KIAA0825: variants seen among roughly 807,000 people sequenced by gnomAD.
KIAA0825 encodes the protein uncharacterized protein KIAA0825.
A neutral mutation model predicts 147.6 loss-of-function variants in KIAA0825; 119 were observed. The observed-to-expected ratio is 0.81, with a 90% CI of 0.69 to 0.94. The LOEUF is 0.94. Among genes scored for constraint, KIAA0825 ranks in the 40% least tolerant of loss-of-function variants. The pLI is 0.00. For missense variants in KIAA0825, 1,381 were observed against 1,472.7 expected (o/e 0.94, Z 1.02); for synonymous variants, 470 against 518.1 (o/e 0.91, Z 1.26).
At chr5:94,281,739 CT>C in intron 20 of KIAA0825, among the ~76,000 whole-genome samples, 1 of 152,202 alleles carries the variant, frequency 6.6e-6, no homozygotes, top group East Asian at 1.9e-4. Context: ...CAAGTGTCCC[CT>C]GAGAGTGCAA....
chr5:94,456,158 A>G (rs1759078141), intron 12 of KIAA0825, among the ~76,000 whole-genome samples: 1 of 152,174 alleles, frequency 6.6e-6, no homozygotes, highest in African/African-American at 2.4e-5. Context: ...GAATGCGGAC[A>G]TACATATCTT....
chr5:94,382,935 C>T (rs1748611276), intron 20 of KIAA0825, among the ~76,000 whole-genome samples: 1 of 152,226 alleles, frequency 6.6e-6, no homozygotes, highest in Non-Finnish European at 1.5e-5. Flanking sequence ...CACAGTTAAT[C>T]TGTATAAACT....
At chr5:94,575,281 C>T (rs980392467) in intron 2 of KIAA0825, among the ~76,000 whole-genome samples, 1 of 148,414 alleles carries the variant, frequency 6.7e-6, no homozygotes, top group African/African-American at 2.5e-5. Flanking sequence ...GGCGAGACAA[C>T]AGAGAGAGGA....
intron 5 of KIAA0825, among the ~76,000 whole-genome samples, chr5:94,498,892 A>G (rs1040218684): frequency 1.3e-5 from 2 of 152,128 alleles, no homozygotes; most frequent in Non-Finnish European, 2.9e-5. Flanking sequence ...CCTTCTTTAC[A>G]CTAAAATCTC....
chr5:94,418,924 C>G (rs1351325460), intron 14 of KIAA0825, among the ~76,000 whole-genome samples: 1 of 152,106 alleles, frequency 6.6e-6, no homozygotes, highest in Non-Finnish European at 1.5e-5. Context: ...GTCTCCCAGG[C>G]TGGAATTCAG....
chr5:94,324,259 T>C (rs928872003), intron 20 of KIAA0825, among the ~76,000 whole-genome samples: 1 of 152,066 alleles, frequency 6.6e-6, no homozygotes, highest in African/African-American at 2.4e-5. Context: ...TTCATTACAA[T>C]GTATGCGAAC....
intron 9 of KIAA0825, among the ~76,000 whole-genome samples, chr5:94,471,067 A>G (rs1414166208): frequency 6.6e-6 from 1 of 152,212 alleles, no homozygotes; most frequent in Non-Finnish European, 1.5e-5. Flanking sequence ...AGAAGAGATT[A>G]CAATGCATTT....
At chr5:94,403,527 T>A (rs894079145) in intron 16 of KIAA0825, 42 bp downstream of exon 16, 9 of 1,456,316 alleles carry the variant, frequency 6.2e-6, no homozygotes, top group Non-Finnish European at 8.5e-6. Context: ...AGAAAATTGC[T>A]TCTTCAGGTG....
intron 20 of KIAA0825, among the ~76,000 whole-genome samples, chr5:94,240,387 T>A (rs1475573867): frequency 2.6e-5 from 4 of 152,210 alleles, no homozygotes; most frequent in Non-Finnish European, 4.4e-5. Context: ...ACACATATTG[T>A]TACAAGCTTA....
intron 7 of KIAA0825, 67 bp from the exon 8 acceptor site, chr5:94,473,586 G>T: frequency 1.0e-6 from 1 of 977,732 alleles, no homozygotes; most frequent in Non-Finnish European, 1.5e-6. Flanking sequence ...TATTGTTATA[G>T]ATATAAAATT....
chr5:94,226,156 C>A (rs1317475668), intron 20 of KIAA0825, among the ~76,000 whole-genome samples: 1 of 152,166 alleles, frequency 6.6e-6, no homozygotes. Context: ...AGAACTTAAA[C>A]AAATTTACAA....
intron 20 of KIAA0825, among the ~76,000 whole-genome samples, chr5:94,332,175 A>AG (rs1474772056): frequency 6.6e-6 from 1 of 150,938 alleles, no homozygotes; most frequent in African/African-American, 2.4e-5. Context: ...AAAAAAAAAA[A>AG]AAAGAAAAGA....
intron 1 of KIAA0825, among the ~76,000 whole-genome samples, chr5:94,610,251 C>T (rs1788440815): frequency 6.6e-6 from 1 of 151,004 alleles, no homozygotes; most frequent in African/African-American, 2.4e-5. Flanking sequence ...GAAACCCCAT[C>T]TCTACTAAAA....
chr5:94,433,069 C>T (rs778706014), intron 14 of KIAA0825, among the ~76,000 whole-genome samples: 2 of 152,050 alleles, frequency 1.3e-5, no homozygotes, highest in African/African-American at 4.8e-5. Flanking sequence ...AGTCTCGCTC[C>T]ATAGCCCAGG....
chr5:94,205,974 A>G (rs1772161808), intron 20 of KIAA0825, among the ~76,000 whole-genome samples: 1 of 152,044 alleles, frequency 6.6e-6, no homozygotes, highest in Admixed American at 6.6e-5. Context: ...AAGTTTTCTT[A>G]TGTGTTAGTT....
At chr5:94,394,896 T>A (rs1042706037) in intron 17 of KIAA0825, among the ~76,000 whole-genome samples, 4 of 152,144 alleles carry the variant, frequency 2.6e-5, no homozygotes, top group Non-Finnish European at 5.9e-5. Context: ...TTTCTAGAGG[T>A]CAGTATGATG....
intron 15 of KIAA0825, chr5:94,415,535 G>A (rs1753343297): frequency 6.6e-6 from 1 of 152,126 alleles, no homozygotes; most frequent in African/African-American, 2.4e-5. Flanking sequence ...ACTTAAATGG[G>A]AGAGAAAAGA....
chr5:94,385,958 T>G (rs1240124407), intron 19 of KIAA0825, among the ~76,000 whole-genome samples: 1 of 152,196 alleles, frequency 6.6e-6, no homozygotes, highest in African/African-American at 2.4e-5. Flanking sequence ...TGCCTGGTTC[T>G]TCAGCTTCTG....
At position 94,391,520 on chromosome 5, in the gene KIAA0825, A is replaced by G; in HGVS notation, c.3456+15T>C. 1.9e-6 allele frequency: 3 copies of G among 1,551,506 alleles called. No homozygotes were observed. Among genetic ancestry groups the G allele is most frequent in the Non-Finnish European group, 2.6e-6 (3 of 1,146,880 alleles). Reference sequence around the variant, plus strand: ...GTACACACCTAATTGCTCGATAAAAAGGCCGTTTCCCTACCTCATTGAGCT... The same window carrying G: ...GTACACACCTAATTGCTCGATAAAAGGGCCGTTTCCCTACCTCATTGAGCT... On this transcript the variant is annotated intron_variant, in intron 18 of 20. Coordinates refer to ENST00000682413, the MANE Select transcript of KIAA0825 (RefSeq NM_001145678.3).
Sources: allele counts gnomAD v4.1 joint callset (sites outside exome capture counted in the v4.1 genomes callset), GRCh38; gene constraint gnomAD v4.1.1; transcripts MANE v1.5; gene names NCBI Gene and HGNC (gene_info 2026-07-23, HGNC 2026-07-21).